Variants in FARP1 observed in about 807,000 individuals in gnomAD.
The protein encoded by FARP1 is FERM, ARHGEF and pleckstrin domain-containing protein 1.
In FARP1, 52 loss-of-function variants were observed where a neutral mutation model predicts 128.8. The observed-to-expected ratio is 0.40, with a 90% CI of 0.32 to 0.51. The LOEUF is 0.51. FARP1 is among the 20% of genes least tolerant of loss of function. FARP1 has a pLI of 0.45. For synonymous variants in FARP1, 580 were observed against 551.8 expected (o/e 1.05, Z -0.72); for missense variants, 1,333 against 1,367.9 (o/e 0.97, Z 0.40).
In FARP1 at chr13:98,453,106, CT is replaced by C. The variant is rs1218523944; in HGVS notation, c.*4793del. ...TGGAGTCAGCGAAGGCTCTCGTTGA[CT>C]TTTAAAAAAGGAGGAGGATGAAGAA... On this transcript the variant is annotated 3_prime_UTR_variant, in exon 27 of 27. Coordinates refer to ENST00000319562, the MANE Select transcript of FARP1 (RefSeq NM_005766.4). The C allele has an allele frequency of 6.3e-7, 1 of 1,593,588 alleles. No homozygotes were observed. The highest frequency in any genetic ancestry group is 1.3e-5 in the African/African-American group (1 of 74,314).
intron 11 of FARP1, among the ~76,000 whole-genome samples, chr13:98,392,025 T>G (rs1301204122): frequency 1.3e-5 from 2 of 152,320 alleles, no homozygotes; most frequent in East Asian, 3.9e-4. Context: ...CACATTTGTT[T>G]CTGGGGTTGT....
At chr13:98,146,508 G>GT (rs1345197922) in intron 1 of FARP1, among the ~76,000 whole-genome samples, 8 of 152,314 alleles carry the variant, frequency 5.3e-5, no homozygotes, top group African/African-American at 1.9e-4. Context: ...GATTACAGGC[G>GT]TGAGTCACAG....
At chr13:98,225,307 C>T (rs1414206495) in intron 2 of FARP1, among the ~76,000 whole-genome samples, 1 of 152,146 alleles carries the variant, frequency 6.6e-6, no homozygotes, top group Non-Finnish European at 1.5e-5. Context: ...TCATTGCACC[C>T]AAGTAGATTT....
chr13:98,290,109 G>A (rs1432486303), intron 2 of FARP1, among the ~76,000 whole-genome samples: 5 of 151,060 alleles, frequency 3.3e-5, no homozygotes, highest in African/African-American at 1.2e-4. Flanking sequence ...AGGTTGGGAA[G>A]GGCAGTCCGT....
chr13:98,345,069 A>T (rs1300802151), intron 3 of FARP1, among the ~76,000 whole-genome samples: 1 of 152,248 alleles, frequency 6.6e-6, no homozygotes, highest in African/African-American at 2.4e-5. Context: ...TTCTGAAGAG[A>T]GTCCAGGAAA....
chr13:98,213,502 C>T, intron 2 of FARP1, 89 bp downstream of exon 2: 1 of 1,366,824 alleles, frequency 7.3e-7, no homozygotes, highest in Non-Finnish European at 1.0e-6. Context: ...TGGCCAGTGA[C>T]ATGAGGCGGC....
chr13:98,197,852 G>A (rs1879673245), intron 1 of FARP1, among the ~76,000 whole-genome samples: 1 of 151,916 alleles, frequency 6.6e-6, no homozygotes, highest in East Asian at 1.9e-4. Context: ...AGCCAGGATG[G>A]TCTCGATCTC....
At position 98,343,051 on chromosome 13, in the gene FARP1, T is replaced by C. The variant is rs9584808; in HGVS notation, c.172-711T>C. On this transcript the variant is annotated intron_variant, in intron 2 of 26. Coordinates refer to ENST00000319562, the MANE Select transcript of FARP1 (RefSeq NM_005766.4). ...AGAAAAAAAAAAAGACACAGAAGGA[T>C]CTTATATGCATATTACTGAATGAAA... 6.3e-3 allele frequency among the ~76,000 whole-genome samples: 956 copies of C among 150,762 alleles called. 15 individuals carry two copies. Among genetic ancestry groups the C allele is most frequent in the African/African-American group, 0.021 (858 of 41,148 alleles).
chr13:98,279,779 C>T (rs1566827521), intron 2 of FARP1, among the ~76,000 whole-genome samples: 1 of 152,270 alleles, frequency 6.6e-6, no homozygotes, highest in East Asian at 1.9e-4. Flanking sequence ...GCTACTGTTA[C>T]TCGTAGAGGC....
intron 1 of FARP1, among the ~76,000 whole-genome samples, chr13:98,203,309 G>C (rs1315803791): frequency 1.3e-5 from 2 of 152,166 alleles, no homozygotes; most frequent in African/African-American, 4.8e-5. Flanking sequence ...TTTTTAGTCA[G>C]TTTACAGAGT....
intron 2 of FARP1, among the ~76,000 whole-genome samples, chr13:98,224,580 T>A (rs1274583897): frequency 1.4e-5 from 2 of 147,102 alleles, no homozygotes; most frequent in Non-Finnish European, 3.0e-5. Flanking sequence ...CAATAGGTAG[T>A]TACTATCTTA....
chr13:98,318,736 T>C (rs1886853364), intron 2 of FARP1, among the ~76,000 whole-genome samples: 1 of 152,274 alleles, frequency 6.6e-6, no homozygotes, highest in Non-Finnish European at 1.5e-5. Flanking sequence ...CTCTTTGATG[T>C]CTTTTGCTGT....
intron 2 of FARP1, among the ~76,000 whole-genome samples, chr13:98,216,499 G>C (rs1005566494): frequency 6.6e-6 from 1 of 152,236 alleles, no homozygotes; most frequent in Non-Finnish European, 1.5e-5. Flanking sequence ...CACGTGGCCA[G>C]AAGTCCCTGC....
In FARP1 at chr13:98,177,267, C is replaced by G. The variant is rs1201638431; in HGVS notation, c.-24+33775C>G. 5 of 1,508,298 alleles carry G rather than the reference C, an allele frequency of 3.3e-6. No individual in the cohort carries two copies. In the African/African-American group the frequency reaches 7.0e-5, roughly 21 times the overall value. The allele number at this position is 1,508,298 out of a possible 1,614,324, so 93.4% of individuals were successfully genotyped here. On this transcript the variant is annotated intron_variant, in intron 1 of 26. Transcript: ENST00000319562. ...AGTCTCAGGCTCCCAACGGCCGTGG[C>G]GTGCGTCACCCTTGCGTCGCCCTTG... is the stretch of plus-strand genomic sequence containing the variant.
At chr13:98,230,649 A>G (rs1882057119) in intron 2 of FARP1, among the ~76,000 whole-genome samples, 1 of 152,124 alleles carries the variant, frequency 6.6e-6, no homozygotes, top group East Asian at 1.9e-4. Context: ...TTTTTTAATA[A>G]AACCAGAATA....
At chr13:98,305,441 C>T (rs1430755259) in intron 2 of FARP1, among the ~76,000 whole-genome samples, 1 of 152,068 alleles carries the variant, frequency 6.6e-6, no homozygotes, top group Non-Finnish European at 1.5e-5. Flanking sequence ...TCAAGCGATT[C>T]TCCTGCCTCA....
intron 6 of FARP1, among the ~76,000 whole-genome samples, chr13:98,378,993 T>G (rs1889733648): frequency 1.0e-5 from 1 of 97,562 alleles, no homozygotes; most frequent in Admixed American, 1.3e-4. Flanking sequence ...ATAATATATA[T>G]ATAATATATA....
At chr13:98,228,333 C>T (rs1881913787) in intron 2 of FARP1, among the ~76,000 whole-genome samples, 1 of 152,074 alleles carries the variant, frequency 6.6e-6, no homozygotes, top group African/African-American at 2.4e-5. Context: ...GCACTTCAGC[C>T]TGGGCAACAA....
chr13:98,236,478 A>G (rs1383249583), intron 2 of FARP1, among the ~76,000 whole-genome samples: 1 of 152,216 alleles, frequency 6.6e-6, no homozygotes. Context: ...TGAACAACAC[A>G]GGTTTGAACT....
Sources: allele counts gnomAD v4.1 joint callset (sites outside exome capture counted in the v4.1 genomes callset), GRCh38; gene constraint gnomAD v4.1.1; transcripts MANE v1.5; gene names NCBI Gene and HGNC (gene_info 2026-07-23, HGNC 2026-07-21).